The following DDHD1 variants were observed in gnomAD, a reference collection of about 807,000 sequenced individuals.
DDHD1 encodes phospholipase DDHD1.
DDHD1 carries 49 observed loss-of-function variants against 96.4 expected under a neutral mutation model. The ratio of observed to expected loss-of-function variants is 0.51; its 90% CI spans 0.40 to 0.64. DDHD1 has a LOEUF of 0.64. Ranked by LOEUF, DDHD1 falls within the 30% of genes least tolerant of loss-of-function variation. DDHD1 has a pLI of 0.00. For synonymous variants in DDHD1, 442 were observed against 446.5 expected (o/e 0.99, Z 0.13); for missense variants, 1,106 against 1,161.2 (o/e 0.95, Z 0.69).
rs373320739 is a variant in DDHD1 at position 53,051,932 on chromosome 14, GA to G, written c.2438-6del. On this transcript the variant is annotated splice_region_variant and splice_polypyrimidine_tract_variant and intron_variant, in intron 11 of 12. Transcript: ENST00000673822. Reference sequence around the variant, plus strand: ...ACGATTCTTGAAGTCTGAAATCTGTGAAAAAAAAACACAAGATGCTGTAAAG... The same window carrying G: ...ACGATTCTTGAAGTCTGAAATCTGTGAAAAAAAACACAAGATGCTGTAAAG... 12 of 1,539,626 alleles carry G rather than the reference GA, an allele frequency of 7.8e-6. No homozygotes were observed. The highest frequency in any genetic ancestry group is 2.4e-5 in the South Asian group (2 of 82,866).
intron 4 of DDHD1, among the ~76,000 whole-genome samples, chr14:53,089,199 TGAATAG>T (rs1156382805): frequency 1.3e-5 from 2 of 152,182 alleles, no homozygotes; most frequent in African/African-American, 4.8e-5. Flanking sequence ...TCCATGCTCA[TGAATAG>T]GAAGAATCAA....
intron 4 of DDHD1, among the ~76,000 whole-genome samples, chr14:53,089,098 C>A (rs1329688971): frequency 6.6e-6 from 1 of 152,110 alleles, no homozygotes; most frequent in Non-Finnish European, 1.5e-5. Context: ...CCTAGGAATC[C>A]AACTTACAAG....
intron 6 of DDHD1, among the ~76,000 whole-genome samples, chr14:53,065,077 T>C (rs190748523): frequency 1.3e-5 from 2 of 152,298 alleles, no homozygotes; most frequent in South Asian, 2.1e-4. Flanking sequence ...TACAATATGA[T>C]CTAATCAACT....
At chr14:53,051,682 G>C (rs1052313662) in intron 12 of DDHD1, among the ~76,000 whole-genome samples, 162 bp downstream of exon 12, 2 of 151,840 alleles carry the variant, frequency 1.3e-5, no homozygotes, top group African/African-American at 2.4e-5. Context: ...TACCATTTAA[G>C]ACTAGAAAAT....
chr14:53,106,845 AT>A (rs1382386772), intron 1 of DDHD1, among the ~76,000 whole-genome samples: 2 of 152,080 alleles, frequency 1.3e-5, no homozygotes, highest in Non-Finnish European at 2.9e-5. Flanking sequence ...GAAATTTCCT[AT>A]TATTTCTGAA....
chr14:53,112,518 C>A (rs1888187128), intron 1 of DDHD1, among the ~76,000 whole-genome samples: 1 of 152,066 alleles, frequency 6.6e-6, no homozygotes, highest in Non-Finnish European at 1.5e-5. Context: ...TCTCAAATTA[C>A]CATAAATAAA....
chr14:53,123,855 A>AT (rs1305607676), intron 1 of DDHD1, among the ~76,000 whole-genome samples: 20 of 152,176 alleles, frequency 1.3e-4, no homozygotes, highest in Admixed American at 1.3e-3. Flanking sequence ...TGCTGATTAT[A>AT]TTTTTTTACA....
At position 53,103,741 on chromosome 14, in the gene DDHD1, G is replaced by T. The variant is rs1389588839; in HGVS notation, c.954C>A (p.Gly318=). 3.1e-6 allele frequency: 5 copies of T among 1,612,882 alleles called. No homozygotes were observed. In the Admixed American group the frequency reaches 8.4e-5, roughly 27 times the overall value. ...IEQEHLNCFR[G]QQMQENFDIE... The stretch of plus-strand genomic sequence containing the variant: ...TATCGAAATTTTCCTGCATCTGCTG[G>T]CCCCTAAAACAATTGAGATGTTCTT... The change falls in exon 2 of 13, where the codon GGC becomes GGA. Residue 318 remains glycine (G), a synonymous_variant. Transcript: ENST00000673822.
chr14:53,090,929 T>G (rs768407768), intron 4 of DDHD1, among the ~76,000 whole-genome samples: 1 of 152,060 alleles, frequency 6.6e-6, no homozygotes, highest in Non-Finnish European at 1.5e-5. Flanking sequence ...CATTAAGAGA[T>G]GTTACAATAA....
rs747496321 is a variant in DDHD1, at chr14:53,152,287, C to A, written c.812G>T (p.Gly271Val). The A allele has an allele frequency of 5.3e-5, 85 of 1,612,370 alleles. No individual in the cohort carries two copies. Among genetic ancestry groups the A allele is most frequent in the Middle Eastern group, 4.9e-4 (3 of 6,074 alleles). Residue 271 changes from glycine to valine, a missense_variant, in exon 1 of 13, where the codon GGA (glycine) becomes GTA (valine). This residue lies in a region of DDHD1 where 456 missense variants were observed against 402.4 expected (regional missense o/e 1.13). Coordinates refer to ENST00000673822, the MANE Select transcript of DDHD1 (RefSeq NM_001160148.2). ...GGLYEVDVTQ[G>V]ECYPVYWNQA... ...GTTCCAGTACACCGGGTAGCACTCT[C>A]CTTGGGTCACATCCACCTCGTAGAG...
In DDHD1 at chr14:53,055,778, A is replaced by G. The variant is rs1432225269; in HGVS notation, c.2127T>C (p.Pro709=). The part of the protein sequence containing the change: ...KPSFLNPAKE[P]TSVSENEGIS... ...TGCCTTCATTCTCTGAAACTGAGGT[A>G]GGTTCTTTAGCTGGGTTGAGAAAGC... Residue 709 remains proline (P), a synonymous_variant, in exon 10 of 13, where the codon CCT becomes CCC. Transcript: ENST00000673822. The G allele has an allele frequency of 6.2e-7, 1 of 1,614,030 alleles. No homozygotes were observed. Among genetic ancestry groups the G allele is most frequent in the Non-Finnish European group, 8.5e-7 (1 of 1,180,022 alleles).
chr14:53,085,407 T>G (rs913559181), intron 4 of DDHD1, among the ~76,000 whole-genome samples: 1 of 152,116 alleles, frequency 6.6e-6, no homozygotes, highest in Non-Finnish European at 1.5e-5. Flanking sequence ...CGGGTGCCCC[T>G]CTGAGACGAA....
Position 53,061,135 on chromosome 14 carries a change from T to G in DDHD1, c.1833A>C (p.Leu611Phe). 6.2e-7 allele frequency: 1 copy of G among 1,608,132 alleles called. No individual in the cohort carries two copies. The highest frequency in any genetic ancestry group is 1.1e-5 in the South Asian group (1 of 89,614). The change falls in exon 8 of 13, where the codon TTA becomes TTC. Residue 611 changes from leucine to phenylalanine, a missense_variant. By Grantham distance (22) the Leu-to-Phe change is conservative. This residue lies in a region of DDHD1 where 650 missense variants were observed against 758.8 expected (regional missense o/e 0.86). Transcript: ENST00000673822. Reference protein sequence around the residue: ...KASSMTQTPALKFKVENFFCM... With the variant: ...KASSMTQTPAFKFKVENFFCM... ...ATTGCTCTTTCCTTACCTTAAATTT[T>G]AAGGCAGGTGTTTGTGTCATAGATG...
At chr14:53,126,260 T>G (rs1889425491) in intron 1 of DDHD1, among the ~76,000 whole-genome samples, 2 of 152,228 alleles carry the variant, frequency 1.3e-5, no homozygotes, top group South Asian at 4.1e-4. Context: ...AATGTTTGAT[T>G]CATTATGATA....
rs371749062 is a variant in DDHD1, at chr14:53,046,721, GA to G, written c.*46del. On this transcript the variant is annotated 3_prime_UTR_variant, in exon 13 of 13. Transcript: ENST00000673822. ...GTATCTTGACACACACATTTTAACG[GA>G]AAAAAAAAAAATCAGTTTTAGGCCA... is the stretch of plus-strand genomic sequence containing the variant. 63,304 of 867,002 alleles carry G rather than the reference GA, an allele frequency of 0.073. 3 individuals are homozygous for G. Among genetic ancestry groups the G allele is most frequent in the South Asian group, 0.09 (3,590 of 39,864 alleles). 53.7% of individuals were successfully genotyped at this position (867,002 alleles called of 1,614,324 possible). A position where few individuals can be genotyped will look rare whatever the true frequency, so the allele number is the denominator to read the frequency against.
Position 53,152,759 on chromosome 14 carries a change from A to G in DDHD1, c.340T>C (p.Ser114Pro), listed in dbSNP as rs756788863. The G allele has an allele frequency of 3.8e-5, 57 of 1,503,140 alleles. 1 individual carries two copies. Among genetic ancestry groups the G allele is most frequent in the South Asian group, 1.7e-4 (15 of 86,184 alleles). The allele number at this position is 1,503,140 out of a possible 1,614,324, so 93.1% of individuals were successfully genotyped here. Residue 114 changes from serine to proline, a missense_variant, in exon 1 of 13, where the codon TCC becomes CCC. Ser to Pro is a moderately conservative substitution (Grantham distance 74). Coordinates refer to ENST00000673822, the MANE Select transcript of DDHD1 (RefSeq NM_001160148.2). ...TGCTGCGGCGGGTGCAGCGACAAGGAGCTGCCGCCGCCGCCGCTCTCACCC... is the reference window on the plus strand; with the variant it reads ...TGCTGCGGCGGGTGCAGCGACAAGGGGCTGCCGCCGCCGCCGCTCTCACCC... Reference protein sequence around the residue: ...SEGESGGGGSSLSLHPPQQPP... With the variant: ...SEGESGGGGSPLSLHPPQQPP...
At position 53,152,774 on chromosome 14, in the gene DDHD1, C is replaced by T. The variant is rs560633006; in HGVS notation, c.325G>A (p.Gly109Ser). Residue 109 changes from glycine (G) to serine (S), a missense_variant, in exon 1 of 13, where the codon GGC becomes AGC. By Grantham distance (56) the Gly-to-Ser change is moderately conservative. Coordinates refer to ENST00000673822, the MANE Select transcript of DDHD1 (RefSeq NM_001160148.2). ...AGCGACAAGGAGCTGCCGCCGCCGC[C>T]GCTCTCACCCTCGCTGTAGTAGCGC... is the stretch of plus-strand genomic sequence containing the variant. ...SLRYYSEGES[G>S]GGGSSLSLHP... The T allele has an allele frequency of 6.2e-7, 1 of 1,604,276 alleles. No homozygotes were observed. Among genetic ancestry groups the T allele is most frequent in the African/African-American group, 1.3e-5 (1 of 74,794 alleles).
chr14:53,122,509 G>A (rs1367226785), intron 1 of DDHD1, among the ~76,000 whole-genome samples: 1 of 151,862 alleles, frequency 6.6e-6, no homozygotes, highest in Non-Finnish European at 1.5e-5. Context: ...GATAGTGGCT[G>A]CTACCTGTAT....
At chr14:53,145,043 G>A (rs773815767) in intron 1 of DDHD1, among the ~76,000 whole-genome samples, 7 of 152,156 alleles carry the variant, frequency 4.6e-5, no homozygotes, top group Non-Finnish European at 1.0e-4. Flanking sequence ...CCAGGTACTT[G>A]GGAGGCTGAG....
Sources: allele counts gnomAD v4.1 joint callset (sites outside exome capture counted in the v4.1 genomes callset), GRCh38; gene constraint gnomAD v4.1.1; regional missense constraint gnomAD v4.1.1; transcripts MANE v1.5; gene names NCBI Gene and HGNC (gene_info 2026-07-23, HGNC 2026-07-21).